AP1AR: variants seen among roughly 807,000 people sequenced by gnomAD.
The protein encoded by AP1AR is AP-1 complex-associated regulatory protein.
Under a neutral mutation model 46.3 loss-of-function variants are expected in AP1AR, and 29 were observed. That is an observed-to-expected ratio of 0.63 (90% CI 0.47 to 0.85). The LOEUF (loss-of-function observed/expected upper bound fraction) is 0.85. Among genes scored for constraint, AP1AR ranks in the 40% least tolerant of loss-of-function variants. The pLI is 0.00. For synonymous variants in AP1AR, 122 were observed against 122.9 expected (o/e 0.99, Z 0.05); for missense variants, 357 against 356.3 (o/e 1.00, Z -0.02).
At chr4:112,252,360 G>C (rs1053775750) in intron 1 of AP1AR, among the ~76,000 whole-genome samples, 2 of 152,200 alleles carry the variant, frequency 1.3e-5, no homozygotes, top group African/African-American at 4.8e-5. Flanking sequence ...GTACAAATTT[G>C]GATCCCCATT....
At chr4:112,254,215 C>T (rs922167397) in intron 2 of AP1AR, among the ~76,000 whole-genome samples, 1 of 152,162 alleles carries the variant, frequency 6.6e-6, no homozygotes, top group Non-Finnish European at 1.5e-5. Flanking sequence ...TATGATCAAA[C>T]TGTTTACATT....
At chr4:112,252,643 A>G (rs1456956024) in intron 1 of AP1AR, among the ~76,000 whole-genome samples, 2 of 152,224 alleles carry the variant, frequency 1.3e-5, no homozygotes, top group Non-Finnish European at 2.9e-5. Flanking sequence ...GGAAAAAATA[A>G]TGTAATGGAT....
chr4:112,270,497 C>T lies in AP1AR; in HGVS notation c.*2088C>T, dbSNP rs1358828098. Among the ~76,000 whole-genome samples the T allele has an allele frequency of 6.6e-6, 1 of 152,180 alleles. No individual in the cohort carries two copies. Among genetic ancestry groups the T allele is most frequent in the Non-Finnish European group, 1.5e-5 (1 of 68,034 alleles). Reference sequence around the variant, plus strand: ...CTACTTCTCATAGGTCAGGACAATCCTCTCTGAGGAGATAGCTTGGCTAAA... The same window carrying T: ...CTACTTCTCATAGGTCAGGACAATCTTCTCTGAGGAGATAGCTTGGCTAAA... On this transcript the variant is annotated 3_prime_UTR_variant, in exon 10 of 10. Coordinates refer to ENST00000274000, the MANE Select transcript of AP1AR (RefSeq NM_018569.6).
intron 1 of AP1AR, among the ~76,000 whole-genome samples, chr4:112,243,533 C>T (rs559775321): frequency 2.0e-5 from 3 of 152,326 alleles, no homozygotes; most frequent in Non-Finnish European, 2.9e-5. Context: ...CGTTTATCCC[C>T]GCTCACTGTT....
chr4:112,239,607 C>G (rs1725394447), intron 1 of AP1AR, among the ~76,000 whole-genome samples: 1 of 152,188 alleles, frequency 6.6e-6, no homozygotes. Context: ...TCTTTTTTAT[C>G]TCTTAAATAA....
chr4:112,255,228 G>C lies in AP1AR; in HGVS notation c.159+455G>C, dbSNP rs535978131. Among the ~76,000 whole-genome samples the C allele has an allele frequency of 2.2e-4, 33 of 152,156 alleles. No individual in the cohort carries two copies. The East Asian group carries it at 4.4e-3, about 20-fold the overall frequency. The stretch of plus-strand genomic sequence containing the variant: ...CCAGCCTCGGCCTCCCAAAGTGCTG[G>C]GATTTCAGGTGTGAGCCACCGCGCC... On this transcript the variant is annotated intron_variant, in intron 3 of 9. Coordinates refer to ENST00000274000, the MANE Select transcript of AP1AR (RefSeq NM_018569.6).
chr4:112,241,036 T>G (rs1382467542), intron 1 of AP1AR, among the ~76,000 whole-genome samples: 2 of 152,200 alleles, frequency 1.3e-5, no homozygotes, highest in Non-Finnish European at 2.9e-5. Flanking sequence ...CTAAGGTCCC[T>G]TCTCATTATT....
At chr4:112,233,925 C>G (rs1048303074) in intron 1 of AP1AR, among the ~76,000 whole-genome samples, 1 of 152,204 alleles carries the variant, frequency 6.6e-6, no homozygotes, top group African/African-American at 2.4e-5. Flanking sequence ...GGCGCGCGAT[C>G]TCGGCTCACT....
intron 1 of AP1AR, among the ~76,000 whole-genome samples, chr4:112,252,045 C>A (rs1380855095): frequency 6.6e-6 from 1 of 152,078 alleles, no homozygotes; most frequent in Non-Finnish European, 1.5e-5. Flanking sequence ...GAATTTGCGA[C>A]CAGGCTGGGT....
chr4:112,260,932 G>C, intron 5 of AP1AR, 70 bp downstream of exon 5: 2 of 1,003,656 alleles, frequency 2.0e-6, no homozygotes, highest in South Asian at 3.4e-5. Context: ...ATAATATATT[G>C]TGTAGAGTCT....
At chr4:112,250,801 C>CCAAATATATTTTGCTTTTCTCT (rs368659473) in intron 1 of AP1AR, among the ~76,000 whole-genome samples, 5 of 151,962 alleles carry the variant, frequency 3.3e-5, no homozygotes, top group Admixed American at 2.6e-4. Flanking sequence ...GAATTTTTTC[C>CCAAATATATTTTGCTTTTCTCT]CAAATATATT....
intron 1 of AP1AR, among the ~76,000 whole-genome samples, chr4:112,234,658 G>GTTTTTTTTTTTTTTTTTTTTTTTTT (rs774999279): frequency 7.1e-6 from 1 of 141,768 alleles, no homozygotes; most frequent in African/African-American, 2.6e-5. Context: ...TCTTATTTTA[G>GTTTTTTTTTTTTTTTTTTTTTTTTT]TTTTTTTTTT....
At position 112,265,119 on chromosome 4, in the gene AP1AR, C is replaced by T. The variant is rs781281467; in HGVS notation, c.440+52C>T. The T allele has an allele frequency of 7.8e-5, 109 of 1,389,092 alleles. 1 individual carries two copies. The highest frequency in any genetic ancestry group is 7.0e-5 in the East Asian group (3 of 42,634). The allele number at this position is 1,389,092 out of a possible 1,614,324, so 86.0% of individuals were successfully genotyped here. A position where few individuals can be genotyped will look rare whatever the true frequency, so the allele number is the denominator to read the frequency against. ...CCCTTTGTGGTAGAACATTTTATTG[C>T]GGTGTAGAGCATCATTCACCTCAAG... On this transcript the variant is annotated intron_variant, in intron 7 of 9. Coordinates refer to ENST00000274000, the MANE Select transcript of AP1AR (RefSeq NM_018569.6).
At chr4:112,248,788 T>C (rs575549277) in intron 1 of AP1AR, among the ~76,000 whole-genome samples, 1 of 152,334 alleles carries the variant, frequency 6.6e-6, no homozygotes, top group African/African-American at 2.4e-5. Flanking sequence ...TCAGACCTTA[T>C]CTCCCTTCCT....
rs182395333 is a variant in AP1AR, at chr4:112,262,612, G to A, written c.283-376G>A. Among the ~76,000 whole-genome samples, 9 of 152,286 alleles carry A rather than the reference G, an allele frequency of 5.9e-5. No homozygotes were observed. The East Asian group carries it at 1.2e-3, about 20-fold the overall frequency. On this transcript the variant is annotated intron_variant, in intron 5 of 9. Transcript: ENST00000274000. ...CTGAGTTCACTTTGGTCACAGTGACGTAATTGATCTTAAAGATACTGGATT... is the reference window on the plus strand; with the variant it reads ...CTGAGTTCACTTTGGTCACAGTGACATAATTGATCTTAAAGATACTGGATT...
chr4:112,240,578 T>C (rs975576183), intron 1 of AP1AR, among the ~76,000 whole-genome samples: 9 of 152,238 alleles, frequency 5.9e-5, no homozygotes, highest in Admixed American at 1.3e-4. Flanking sequence ...GTTGGCAGAA[T>C]TAATGAATAC....
intron 1 of AP1AR, among the ~76,000 whole-genome samples, chr4:112,235,134 A>G (rs1725185190): frequency 6.6e-6 from 1 of 152,222 alleles, no homozygotes; most frequent in Non-Finnish European, 1.5e-5. Flanking sequence ...TTTAAGGAAT[A>G]AAACTTAGGC....
intron 1 of AP1AR, among the ~76,000 whole-genome samples, chr4:112,248,579 G>C (rs140049382): frequency 1.7e-4 from 26 of 152,188 alleles, no homozygotes; most frequent in Non-Finnish European, 3.4e-4. Context: ...TTTTAAGTGC[G>C]GTAATGGGTA....
At position 112,269,185 on chromosome 4, in the gene AP1AR, C is replaced by T. The variant is rs752767643; in HGVS notation, c.*776C>T. On this transcript the variant is annotated 3_prime_UTR_variant, in exon 10 of 10. Coordinates refer to ENST00000274000, the MANE Select transcript of AP1AR (RefSeq NM_018569.6). ...ATATACAGTATTAAGTTTTTAGGTG[C>T]CATTATTTTTAAAAAATTCTATATT... 1.3e-5 allele frequency: 2 copies of T among 151,286 alleles called. No homozygotes were observed. The highest frequency in any genetic ancestry group is 3.0e-5 in the Non-Finnish European group (2 of 67,594). The allele number at this position is 151,286 out of a possible 1,614,324, so 9.4% of individuals were successfully genotyped here.
Sources: gnomAD v4.1 joint callset for allele counts (sites outside exome capture counted in the v4.1 genomes callset) on GRCh38, gnomAD v4.1.1 for gene constraint, MANE v1.5 for transcripts, NCBI Gene and HGNC (gene_info 2026-07-23, HGNC 2026-07-21) for gene names.